The following NDUFAF6 variants were observed in gnomAD, a reference collection of about 807,000 sequenced individuals.
NDUFAF6 encodes the protein NADH:ubiquinone oxidoreductase complex assembly factor 6.
Under a neutral mutation model 40.8 loss-of-function variants are expected in NDUFAF6, and 45 were observed. That is an observed-to-expected ratio of 1.10 (90% CI 0.87 to 1.42). NDUFAF6 has a LOEUF of 1.42. Among genes scored for constraint, NDUFAF6 ranks in the 40% most tolerant of loss-of-function variants. The probability of loss-of-function intolerance (pLI) is 0.00; values close to 1 mark genes in which losing one functional copy is unlikely to be tolerated. For synonymous variants in NDUFAF6, 185 were observed against 155.9 expected, an observed-to-expected ratio of 1.19 and a Z score of -1.39; for missense variants, 435 against 418.5, an observed-to-expected ratio of 1.04 and a Z score of -0.34.
chr8:94,910,770 A>G (rs1406471469), intron 1 of NDUFAF6, among the ~76,000 whole-genome samples: 1 of 152,266 alleles, frequency 6.6e-6, no homozygotes, highest in East Asian at 1.9e-4. Context: ...CCAATTTTTA[A>G]GAATATATGT....
At chr8:94,992,758 T>C (rs902280320) in intron 2 of NDUFAF6, among the ~76,000 whole-genome samples, 2 of 152,220 alleles carry the variant, frequency 1.3e-5, no homozygotes, top group African/African-American at 4.8e-5. Context: ...AACATTCTTT[T>C]GGTTCGCTCA....
chr8:95,077,618 G>C (rs1240534332), downstream of NDUFAF6, among the ~76,000 whole-genome samples: 1 of 152,186 alleles, frequency 6.6e-6, no homozygotes, highest in Non-Finnish European at 1.5e-5. Context: ...TTCAGATGCA[G>C]GTGACCATGG....
chr8:94,940,736 C>T (rs1821450845), intron 1 of NDUFAF6: 1 of 865,798 alleles, frequency 1.2e-6, no homozygotes, highest in East Asian at 2.5e-5. Flanking sequence ...AGGCTGAAAA[C>T]CCCTCAGTTA....
chr8:94,950,552 G>A (rs1822505860), intron 2 of NDUFAF6, among the ~76,000 whole-genome samples: 1 of 152,242 alleles, frequency 6.6e-6, no homozygotes, highest in African/African-American at 2.4e-5. Context: ...TTTAAAGGAT[G>A]TAAATTGCAG....
intron 2 of NDUFAF6, among the ~76,000 whole-genome samples, chr8:95,019,459 C>T (rs1369400547): frequency 6.6e-6 from 1 of 152,218 alleles, no homozygotes; most frequent in African/African-American, 2.4e-5. Flanking sequence ...GGGTCATCAT[C>T]AATCTTCCTC....
chr8:94,956,299 G>A (rs1213775888), upstream of NDUFAF6, among the ~76,000 whole-genome samples: 2 of 152,198 alleles, frequency 1.3e-5, no homozygotes, highest in African/African-American at 2.4e-5. Context: ...AAGCTGGGGG[G>A]TCAAGGAAGG....
In NDUFAF6 at chr8:94,919,386, G is replaced by A. The variant is rs946523144; in HGVS notation, c.-936+23459G>A. ...TATTGAATGTACCCCATAATTACTGGTTCTTGTTTATTTTTTCTTTATTTT... is the reference window on the plus strand; with the variant it reads ...TATTGAATGTACCCCATAATTACTGATTCTTGTTTATTTTTTCTTTATTTT... On this transcript the variant is annotated intron_variant, in intron 1 of 14. Transcript: ENST00000396113. Among the ~76,000 whole-genome samples the A allele has an allele frequency of 3.3e-5, 5 of 152,188 alleles. No homozygotes were observed. The South Asian group carries it at 1.0e-3, about 32-fold the overall frequency.
chr8:95,107,707 G>GT (rs531088197), downstream of NDUFAF6, among the ~76,000 whole-genome samples: 3 of 152,074 alleles, frequency 2.0e-5, no homozygotes, highest in Non-Finnish European at 4.4e-5. Context: ...ATTAAAAAGT[G>GT]TTTTTTTAAA....
intron 1 of NDUFAF6, among the ~76,000 whole-genome samples, chr8:94,971,635 C>G (rs974301221): frequency 6.6e-6 from 1 of 152,104 alleles, no homozygotes; most frequent in African/African-American, 2.4e-5. Flanking sequence ...GTATATTTCA[C>G]ATATATTTAA....
chr8:95,041,203 G>T (rs1830108440), intron 3 of NDUFAF6, among the ~76,000 whole-genome samples: 2 of 152,128 alleles, frequency 1.3e-5, no homozygotes, highest in African/African-American at 4.8e-5. Context: ...AACATAGGGA[G>T]ACCCTGTCTC....
intron 2 of NDUFAF6, among the ~76,000 whole-genome samples, chr8:95,004,457 C>A (rs1171927937): frequency 1.3e-5 from 2 of 149,032 alleles, no homozygotes; most frequent in African/African-American, 2.5e-5. Context: ...TGGGCTCAAG[C>A]CTCCCACGTC....
rs372962700 is a variant in NDUFAF6, at chr8:94,940,374, CTTTTATTTAG to C, written c.-935-5106_-935-5097del. Among the ~76,000 whole-genome samples the C allele has an allele frequency of 4.5e-3, 691 of 152,164 alleles. 3 individuals carry two copies. Among genetic ancestry groups the C allele is most frequent in the African/African-American group, 0.015 (632 of 41,502 alleles). ...CTATTAGCTGATGCTCACGTATCTT[CTTTTATTTAG>C]TTCAGAAAACCATTTATATTCATCT... On this transcript the variant is annotated intron_variant, in intron 1 of 14. Coordinates refer to the NDUFAF6 transcript ENST00000396113.
intron 2 of NDUFAF6, among the ~76,000 whole-genome samples, chr8:95,095,292 T>C (rs1190286948): frequency 1.3e-5 from 2 of 152,050 alleles, no homozygotes; most frequent in African/African-American, 4.8e-5. Flanking sequence ...AACCCAGAGA[T>C]GGGGGTGAAG....
At position 95,010,021 on chromosome 8, in the gene NDUFAF6, G is replaced by A. The variant is rs577800536; in HGVS notation, c.-83-21974G>A. Among the ~76,000 whole-genome samples the A allele has an allele frequency of 2.5e-3, 380 of 152,254 alleles. 4 individuals carry two copies. Among genetic ancestry groups the A allele is most frequent in the African/African-American group, 8.7e-3 (362 of 41,552 alleles). On this transcript the variant is annotated intron_variant, in intron 2 of 9. Coordinates refer to the NDUFAF6 transcript ENST00000396111. ...CAAAATTCCCCAGCACAGAGTTTGG[G>A]AAGGTCAAGTGCCAAGTGGCCCCTA...
At chr8:94,918,305 C>T (rs758032358) in intron 1 of NDUFAF6, among the ~76,000 whole-genome samples, 5 of 152,198 alleles carry the variant, frequency 3.3e-5, no homozygotes, top group African/African-American at 4.8e-5. Flanking sequence ...AGAACCCTGG[C>T]CTGCACTTCC....
intron 4 of NDUFAF6, among the ~76,000 whole-genome samples, chr8:95,042,032 T>C (rs1830209094): frequency 6.6e-6 from 1 of 152,222 alleles, no homozygotes; most frequent in African/African-American, 2.4e-5. Context: ...ATGATATGAT[T>C]ATCATACCTT....
chr8:95,105,691 C>T (rs1044240251), downstream of NDUFAF6, among the ~76,000 whole-genome samples: 12 of 151,984 alleles, frequency 7.9e-5, no homozygotes, highest in East Asian at 3.9e-4. Context: ...TTACTAGAGA[C>T]GGAGTTTCAC....
chr8:95,053,952 T>TTTTTTGG (rs1554681590), intron 8 of NDUFAF6, among the ~76,000 whole-genome samples: 2 of 136,910 alleles, frequency 1.5e-5, no homozygotes, highest in African/African-American at 5.9e-5. Context: ...TTTTTTTTTT[T>TTTTTTGG]GAGACAAAAT....
intron 2 of NDUFAF6, among the ~76,000 whole-genome samples, chr8:95,085,290 T>G (rs1006903349): frequency 6.6e-6 from 1 of 152,200 alleles, no homozygotes; most frequent in Admixed American, 6.5e-5. Flanking sequence ...TCAAAAACTT[T>G]AACTACGGAA....
Sources: gnomAD v4.1 joint callset for allele counts (sites outside exome capture counted in the v4.1 genomes callset) on GRCh38, gnomAD v4.1.1 for gene constraint, MANE v1.5 for transcripts, NCBI Gene and HGNC (gene_info 2026-07-23, HGNC 2026-07-21) for gene names.